Variants in SP6 observed in about 807,000 individuals in gnomAD.
SP6 encodes transcription factor Sp6.
In SP6, 10 loss-of-function variants were observed where a neutral mutation model predicts 23.4. That is an observed-to-expected ratio of 0.43 (90% CI 0.26 to 0.72). The LOEUF is 0.72. Ranked by LOEUF, SP6 falls within the 30% of genes least tolerant of loss-of-function variation. The probability of loss-of-function intolerance (pLI) is 0.23; values close to 1 mark genes in which losing one functional copy is unlikely to be tolerated. For synonymous variants in SP6, 238 were observed against 238.7 expected (o/e 1.00, Z 0.03); for missense variants, 482 against 523.8 (o/e 0.92, Z 0.78).
the SP6 span, among the ~76,000 whole-genome samples, chr17:47,867,980 C>T: frequency 6.6e-6 from 1 of 152,152 alleles, no homozygotes; most frequent in Non-Finnish European, 1.5e-5. Flanking sequence ...TGCAGCCACA[C>T]ACATAGAGCC....
At chr17:47,858,767 CTTTTTTTT>C (rs36092685), upstream of SP6, among the ~76,000 whole-genome samples, 7 of 92,648 alleles carry the variant, frequency 7.6e-5, no homozygotes, top group African/African-American at 2.2e-4. Flanking sequence ...GATGAAGCAT[CTTTTTTTT>C]TTTTTTTTTT....
At chr17:47,860,881 G>A in the SP6 span, among the ~76,000 whole-genome samples, 92 of 152,162 alleles carry the variant, frequency 6.0e-4, no homozygotes, top group Non-Finnish European at 7.3e-5. Flanking sequence ...GGTCAGGGGT[G>A]GCAGACAAGG....
At chr17:47,862,599 G>C in the SP6 span, among the ~76,000 whole-genome samples, 1 of 151,914 alleles carries the variant, frequency 6.6e-6, no homozygotes, top group South Asian at 2.1e-4. Flanking sequence ...ATTAAGAAGT[G>C]ATTCCAAGCC....
upstream of SP6, among the ~76,000 whole-genome samples, chr17:47,859,479 T>A (rs958880917): frequency 6.6e-6 from 1 of 152,220 alleles, no homozygotes; most frequent in Non-Finnish European, 1.5e-5. Context: ...TCTCTACTGG[T>A]TGAATCCTTG....
chr17:47,851,492 T>C (rs1010925276), upstream of SP6, among the ~76,000 whole-genome samples: 1 of 151,968 alleles, frequency 6.6e-6, no homozygotes, highest in East Asian at 1.9e-4. Flanking sequence ...GGGGAATGGA[T>C]AAGGGGGCAG....
Position 47,845,087 on chromosome 17 carries a change from A to G in SP6, c.*2212T>C, listed in dbSNP as rs2033870437. The G allele has an allele frequency of 6.6e-6, 1 of 152,282 alleles. No homozygotes were observed. Among genetic ancestry groups the G allele is most frequent in the Non-Finnish European group, 1.5e-5 (1 of 68,052 alleles). 9.4% of individuals were successfully genotyped at this position (152,282 alleles called of 1,614,324 possible). A position where few individuals can be genotyped will look rare whatever the true frequency, so the allele number is the denominator to read the frequency against. ...CTAGATCTATAAAAGAGGGGAGCAG[A>G]AGAAAACCTATCCAAAGCCTCTACC... On this transcript the variant is annotated 3_prime_UTR_variant, in exon 2 of 2. Transcript: ENST00000536300.
At chr17:47,861,695 T>G in the SP6 span, among the ~76,000 whole-genome samples, 1 of 151,668 alleles carries the variant, frequency 6.6e-6, no homozygotes, top group Non-Finnish European at 1.5e-5. Context: ...ATCATGCCAC[T>G]GCACTCCAGC....
At position 47,847,214 on chromosome 17, in the gene SP6, C is replaced by T. The variant is rs896253351; in HGVS notation, c.*85G>A. 7.3e-7 allele frequency: 1 copy of T among 1,373,572 alleles called. No individual in the cohort carries two copies. The allele number at this position is 1,373,572 out of a possible 1,614,324, so 85.1% of individuals were successfully genotyped here. Reference sequence around the variant, plus strand: ...AATAAATACGCACCTTCCCCTCTTCCTCAAGCCACCCCCAAGGACGTCAGA... The same window carrying T: ...AATAAATACGCACCTTCCCCTCTTCTTCAAGCCACCCCCAAGGACGTCAGA... On this transcript the variant is annotated 3_prime_UTR_variant, in exon 2 of 2. Transcript: ENST00000536300.
chr17:47,848,405 G>A lies in SP6; in HGVS notation c.25C>T (p.Leu9=). 2 of 1,530,446 alleles carry A rather than the reference G, an allele frequency of 1.3e-6. No individual in the cohort carries two copies. Among genetic ancestry groups the A allele is most frequent in the African/African-American group, 1.4e-5 (1 of 72,788 alleles). 94.8% of individuals were successfully genotyped at this position (1,530,446 alleles called of 1,614,324 possible). A position where few individuals can be genotyped will look rare whatever the true frequency, so the allele number is the denominator to read the frequency against. Residue 9 remains leucine (L), a synonymous_variant, in exon 2 of 2, where the codon CTG becomes TTG. Coordinates refer to ENST00000536300, the MANE Select transcript of SP6 (RefSeq NM_001258248.2). This position sits in a 1 kb window ranked among gnomAD's most constrained non-coding sequence, Gnocchi z 5.3. Reference sequence around the variant, plus strand: ...GGCGCTTCCGTGTGCTGGCTGCCCAGAGAGCCGCAGACAGCGGTTAGCATT... The same window carrying A: ...GGCGCTTCCGTGTGCTGGCTGCCCAAAGAGCCGCAGACAGCGGTTAGCATT... MLTAVCGS[L]GSQHTEAPHA...
chr17:47,867,298 G>C, the SP6 span, among the ~76,000 whole-genome samples: 1 of 152,112 alleles, frequency 6.6e-6, no homozygotes, highest in Non-Finnish European at 1.5e-5. Context: ...GTGGGAGGGT[G>C]AAGAGAAGCA....
At chr17:47,860,701 A>C (rs1409443658), upstream of SP6, among the ~76,000 whole-genome samples, 1 of 57,742 alleles carries the variant, frequency 1.7e-5, no homozygotes, top group Non-Finnish European at 4.8e-5. Context: ...CCGACTCTAC[A>C]AAAAAAAAAA....
chr17:47,873,391 T>C, the SP6 span, among the ~76,000 whole-genome samples: 1 of 152,220 alleles, frequency 6.6e-6, no homozygotes, highest in Non-Finnish European at 1.5e-5. Context: ...ATTAAGGTAC[T>C]TTCCCCTGCC....
chr17:47,866,006 A>C, the SP6 span, among the ~76,000 whole-genome samples: 1 of 152,074 alleles, frequency 6.6e-6, no homozygotes, highest in Non-Finnish European at 1.5e-5. Flanking sequence ...GGCTCAGGGG[A>C]GACATGCTTC....
chr17:47,863,843 A>G, the SP6 span, among the ~76,000 whole-genome samples: 6 of 145,932 alleles, frequency 4.1e-5, no homozygotes, highest in African/African-American at 1.5e-4. Flanking sequence ...GGTTCACGCC[A>G]TTCTCCTGCC....
chr17:47,849,560 G>A (rs1241311233), intron 1 of SP6, among the ~76,000 whole-genome samples: 1 of 152,204 alleles, frequency 6.6e-6, no homozygotes, highest in Non-Finnish European at 1.5e-5. Context: ...CAAATGTTGA[G>A]AACCACTGCT....
chr17:47,867,267 G>C, the SP6 span, among the ~76,000 whole-genome samples: 11 of 152,142 alleles, frequency 7.2e-5, no homozygotes, highest in Admixed American at 1.3e-4. Flanking sequence ...CCCAGAGACA[G>C]GCGGGGTCAG....
At chr17:47,871,900 C>T in the SP6 span, among the ~76,000 whole-genome samples, 1 of 152,196 alleles carries the variant, frequency 6.6e-6, no homozygotes, top group African/African-American at 2.4e-5. Context: ...GGATTACAGG[C>T]GTCAGCCACC....
In SP6 at chr17:47,846,069, G is replaced by C. The variant is rs1793762681; in HGVS notation, c.*1230C>G. The C allele has an allele frequency of 6.6e-6, 1 of 152,232 alleles. No individual in the cohort carries two copies. Among genetic ancestry groups the C allele is most frequent in the Admixed American group, 6.5e-5 (1 of 15,292 alleles). The allele number at this position is 152,232 out of a possible 1,614,324, so 9.4% of individuals were successfully genotyped here. ...GGACAGCTTCCTGGATGTCACCTCA[G>C]AAGGCAGAACCCCTTCCAGTGGGAG... On this transcript the variant is annotated 3_prime_UTR_variant, in exon 2 of 2. Coordinates refer to ENST00000536300, the MANE Select transcript of SP6 (RefSeq NM_001258248.2).
chr17:47,862,343 CAAA>C, the SP6 span, among the ~76,000 whole-genome samples: 2 of 110,346 alleles, frequency 1.8e-5, no homozygotes, highest in African/African-American at 6.9e-5. Flanking sequence ...GACTAAGTCT[CAAA>C]AAAAAAAAAA....
Sources: allele counts gnomAD v4.1 joint callset (sites outside exome capture counted in the v4.1 genomes callset), GRCh38; gene constraint gnomAD v4.1.1; non-coding constraint Gnocchi (gnomAD v3.1); transcripts MANE v1.5; gene names NCBI Gene and HGNC (gene_info 2026-07-23, HGNC 2026-07-21).